Variants in SLC4A4 observed in about 807,000 individuals in gnomAD.
SLC4A4 encodes solute carrier family 4 member 4.
A neutral mutation model predicts 111.5 loss-of-function variants in SLC4A4; 27 were observed. That is an observed-to-expected ratio of 0.24 (90% CI 0.18 to 0.33). The LOEUF is 0.33. Among genes scored for constraint, SLC4A4 ranks in the 10% least tolerant of loss-of-function variants. The probability of loss-of-function intolerance (pLI) is 1.00; values close to 1 mark genes in which losing one functional copy is unlikely to be tolerated. For synonymous variants in SLC4A4, 443 were observed against 463.4 expected (o/e 0.96, Z 0.57); for missense variants, 909 against 1,315.5 (o/e 0.69, Z 4.78).
In SLC4A4 at chr4:71,088,057, T is replaced by A. The variant is rs539211098; in HGVS notation, c.-64-4673T>A. Among the ~76,000 whole-genome samples, 1,400 of 151,416 alleles carry A rather than the reference T, an allele frequency of 9.2e-3. 18 individuals carry two copies. The highest frequency in any genetic ancestry group is 0.033 in the East Asian group (170 of 5,092). On this transcript the variant is annotated intron_variant, in intron 1 of 26. Coordinates refer to the SLC4A4 transcript ENST00000649996. ...GGGAGTCTAAGTCTCTTTGTAGGTC[T>A]CTAAGGACTTGCTTTATGAATCTGG...
At chr4:71,531,211 A>G (rs1030500083) in intron 16 of SLC4A4, among the ~76,000 whole-genome samples, 3 of 152,100 alleles carry the variant, frequency 2.0e-5, no homozygotes, top group Non-Finnish European at 2.9e-5. Flanking sequence ...CAAATGGTAT[A>G]TGCTCCCCTT....
intron 3 of SLC4A4, among the ~76,000 whole-genome samples, chr4:71,320,920 T>C (rs1244075634): frequency 6.6e-6 from 1 of 152,088 alleles, no homozygotes; most frequent in Non-Finnish European, 1.5e-5. Flanking sequence ...GAAATGGCAC[T>C]TACTTATCTC....
chr4:71,419,488 A>G (rs1008840220), intron 7 of SLC4A4, among the ~76,000 whole-genome samples: 4 of 152,050 alleles, frequency 2.6e-5, no homozygotes, highest in Non-Finnish European at 5.9e-5. Context: ...TGGGCGTAGG[A>G]CCCTCCGAGC....
chr4:71,375,239 G>GA (rs1578951665), intron 6 of SLC4A4, among the ~76,000 whole-genome samples: 2 of 152,314 alleles, frequency 1.3e-5, no homozygotes, highest in East Asian at 3.9e-4. Context: ...ATGTGGAAGT[G>GA]TTCAGTGGTA....
At chr4:71,382,794 G>A (rs868559949) in intron 6 of SLC4A4, among the ~76,000 whole-genome samples, 2 of 152,202 alleles carry the variant, frequency 1.3e-5, no homozygotes, top group Non-Finnish European at 2.9e-5. Context: ...AACCCACCTT[G>A]TGGGGTATCT....
intron 3 of SLC4A4, among the ~76,000 whole-genome samples, chr4:71,277,608 T>C (rs200987978): frequency 7.3e-6 from 1 of 137,908 alleles, no homozygotes; most frequent in African/African-American, 3.0e-5. Context: ...CTCTCTCTCC[T>C]TCCTTCCTTC....
intron 2 of SLC4A4, among the ~76,000 whole-genome samples, chr4:71,122,644 C>T (rs1743463553): frequency 6.6e-6 from 1 of 152,076 alleles, no homozygotes; most frequent in African/African-American, 2.4e-5. Flanking sequence ...GTAACACTGA[C>T]AGTAGGTGCC....
intron 1 of SLC4A4, among the ~76,000 whole-genome samples, chr4:71,201,907 G>T (rs1178980376): frequency 6.6e-6 from 1 of 152,184 alleles, no homozygotes; most frequent in Non-Finnish European, 1.5e-5. Context: ...ACATATGGTG[G>T]ATAAAAGTTT....
chr4:71,540,919 G>A (rs1734988486), intron 18 of SLC4A4, among the ~76,000 whole-genome samples: 1 of 152,120 alleles, frequency 6.6e-6, no homozygotes, highest in Non-Finnish European at 1.5e-5. Flanking sequence ...ATTGAGATGA[G>A]GTCAAAGTTA....
chr4:71,220,945 C>G (rs1718712134), intron 1 of SLC4A4, among the ~76,000 whole-genome samples: 1 of 152,154 alleles, frequency 6.6e-6, no homozygotes, highest in Non-Finnish European at 1.5e-5. Flanking sequence ...ATTTAGCTCC[C>G]ACTTACAAGT....
intron 16 of SLC4A4, among the ~76,000 whole-genome samples, chr4:71,519,118 A>G (rs1417435784): frequency 3.9e-5 from 6 of 152,162 alleles, no homozygotes; most frequent in Non-Finnish European, 8.8e-5. Flanking sequence ...AGCTCTTGTG[A>G]AAGTATTTTA....
chr4:71,375,087 G>T (rs1289125381), intron 6 of SLC4A4, among the ~76,000 whole-genome samples: 1 of 152,096 alleles, frequency 6.6e-6, no homozygotes, highest in East Asian at 1.9e-4. Context: ...CCTTGCTTTT[G>T]TTCATGTCCT....
chr4:71,146,298 C>T lies in SLC4A4; in HGVS notation c.-2+53506C>T, dbSNP rs1268665126. Among the ~76,000 whole-genome samples, 3 of 152,306 alleles carry T rather than the reference C, an allele frequency of 2.0e-5. No individual in the cohort carries two copies. In the South Asian group the frequency reaches 6.2e-4, roughly 32 times the overall value. ...AATTCTGAGTTCTAGTTTGATTGCA[C>T]TGTGGTCTGAGAGACAGTTTGTTAT... On this transcript the variant is annotated intron_variant, in intron 2 of 26. Coordinates refer to the SLC4A4 transcript ENST00000649996.
At chr4:71,302,288 G>A (rs561277507) in intron 3 of SLC4A4, among the ~76,000 whole-genome samples, 2 of 152,308 alleles carry the variant, frequency 1.3e-5, no homozygotes, top group South Asian at 4.1e-4. Flanking sequence ...GATTCTGCTA[G>A]TAACTTGCTG....
chr4:71,385,387 G>A (rs1353493702), intron 6 of SLC4A4, among the ~76,000 whole-genome samples: 1 of 150,798 alleles, frequency 6.6e-6, no homozygotes, highest in Non-Finnish European at 1.5e-5. Context: ...TAATAGAGAC[G>A]GGGTTTCTCC....
intron 11 of SLC4A4, among the ~76,000 whole-genome samples, 191 bp from the exon 12 acceptor site, chr4:71,453,304 C>T (rs1289459525): frequency 6.6e-6 from 1 of 151,892 alleles, no homozygotes; most frequent in African/African-American, 2.4e-5. Context: ...ATTTGGTGAC[C>T]CAAAAAGAAA....
In SLC4A4 at chr4:71,534,222, T is replaced by C. The variant is rs761399999; in HGVS notation, c.2281-5T>C. ...TTCTGAAAAATGTCATCTGTCTTTT[T>C]CAAGCCAACAAGTCCAAACCGAGGT... On this transcript the variant is annotated splice_polypyrimidine_tract_variant and splice_region_variant and intron_variant, in intron 17 of 25. Transcript: ENST00000264485. 6.2e-7 allele frequency: 1 copy of C among 1,613,452 alleles called. No homozygotes were observed. Among genetic ancestry groups the C allele is most frequent in the Non-Finnish European group, 8.5e-7 (1 of 1,179,632 alleles).
intron 1 of SLC4A4, among the ~76,000 whole-genome samples, chr4:71,198,162 T>G (rs765647241): frequency 2.9e-4 from 44 of 152,230 alleles, no homozygotes; most frequent in Admixed American, 6.5e-5. Context: ...AGAATATCAT[T>G]GTTCTATACA....
chr4:71,367,405 G>C (rs973881647), intron 6 of SLC4A4, among the ~76,000 whole-genome samples: 7 of 152,200 alleles, frequency 4.6e-5, no homozygotes, highest in African/African-American at 1.4e-4. Context: ...AGTTCTCACT[G>C]ATCTGGCATT....
Sources: gnomAD v4.1 joint callset for allele counts (sites outside exome capture counted in the v4.1 genomes callset) on GRCh38, gnomAD v4.1.1 for gene constraint, MANE v1.5 for transcripts, NCBI Gene and HGNC (gene_info 2026-07-23, HGNC 2026-07-21) for gene names.